The following GRID2 variants were observed in gnomAD, a reference collection of about 807,000 sequenced individuals.
The protein encoded by GRID2 is glutamate receptor ionotropic, delta-2.
A neutral mutation model predicts 114.8 loss-of-function variants in GRID2; 33 were observed. That is an observed-to-expected ratio of 0.29 (90% CI 0.22 to 0.38). The LOEUF (loss-of-function observed/expected upper bound fraction) is 0.38. Among genes scored for constraint, GRID2 ranks in the 10% least tolerant of loss-of-function variants. The pLI is 1.00. For missense variants in GRID2, 1,184 were observed against 1,257.7 expected, an observed-to-expected ratio of 0.94 and a Z score of 0.89; for synonymous variants, 505 against 449.9, an observed-to-expected ratio of 1.12 and a Z score of -1.55.
At chr4:92,327,623 C>T (rs578073389) in intron 1 of GRID2, among the ~76,000 whole-genome samples, 67 of 152,012 alleles carry the variant, frequency 4.4e-4, no homozygotes, top group South Asian at 4.4e-3. Flanking sequence ...AACCAATATT[C>T]TTCCCTTATT....
chr4:92,860,662 A>G (rs930195975), intron 2 of GRID2, among the ~76,000 whole-genome samples: 6 of 152,116 alleles, frequency 3.9e-5, no homozygotes, highest in African/African-American at 1.2e-4. Flanking sequence ...TGAGAGGAAA[A>G]GTGATTAGTT....
At chr4:93,488,278 C>T (rs1485038) in intron 11 of GRID2, among the ~76,000 whole-genome samples, 126,851 of 151,820 alleles carry the variant, frequency 0.84, 53,555 homozygotes, top group African/African-American at 0.96. Flanking sequence ...AAAAGCTGGG[C>T]AAATAATTAT....
At chr4:92,777,604 G>C (rs906160331) in intron 2 of GRID2, among the ~76,000 whole-genome samples, 7 of 151,938 alleles carry the variant, frequency 4.6e-5, no homozygotes, top group African/African-American at 1.7e-4. Context: ...TAACCTCAAC[G>C]TGACTATATT....
intron 10 of GRID2, among the ~76,000 whole-genome samples, chr4:93,451,821 A>G (rs1722711690): frequency 6.6e-6 from 1 of 152,120 alleles, no homozygotes; most frequent in Admixed American, 6.6e-5. Context: ...AAGATAATGA[A>G]GCTAACAAGT....
chr4:93,254,483 T>C (rs1329389249), intron 8 of GRID2, among the ~76,000 whole-genome samples: 1 of 152,098 alleles, frequency 6.6e-6, no homozygotes, highest in Non-Finnish European at 1.5e-5. Context: ...TCAGAAACTA[T>C]GGGGAGTTTT....
At chr4:92,759,937 T>C (rs549551679) in intron 2 of GRID2, among the ~76,000 whole-genome samples, 5 of 151,704 alleles carry the variant, frequency 3.3e-5, no homozygotes, top group East Asian at 3.9e-4. Flanking sequence ...GCTCTCAAGC[T>C]CTTGGAGGAA....
intron 2 of GRID2, among the ~76,000 whole-genome samples, chr4:93,024,999 T>C (rs1472968270): frequency 6.6e-6 from 1 of 151,722 alleles, no homozygotes; most frequent in African/African-American, 2.4e-5. Flanking sequence ...AAGTGCATAT[T>C]AGAGTACATT....
chr4:93,326,077 T>C (rs1345833451), intron 8 of GRID2, among the ~76,000 whole-genome samples: 1 of 152,180 alleles, frequency 6.6e-6, no homozygotes. Context: ...GTAATATAAA[T>C]AGGTATTTCT....
At chr4:93,516,151 G>A (rs1370979649) in intron 13 of GRID2, among the ~76,000 whole-genome samples, 1 of 152,070 alleles carries the variant, frequency 6.6e-6, no homozygotes, top group African/African-American at 2.4e-5. Flanking sequence ...ATTATGGAAT[G>A]CAGGAATGAA....
At chr4:93,755,148 C>T (rs1237892543) in intron 14 of GRID2, among the ~76,000 whole-genome samples, 1 of 152,182 alleles carries the variant, frequency 6.6e-6, no homozygotes, top group East Asian at 1.9e-4. Context: ...TGTCTAGCCA[C>T]ATAGACACAT....
At position 92,466,830 on chromosome 4, in the gene GRID2, A is replaced by ATG. The variant is rs199699391; in HGVS notation, c.89-123289_89-123288dup. Among the ~76,000 whole-genome samples, 1,168 of 151,218 alleles carry ATG rather than the reference A, an allele frequency of 7.7e-3. 6 individuals are homozygous for ATG. Among genetic ancestry groups the ATG allele is most frequent in the Middle Eastern group, 0.024 (7 of 290 alleles). On this transcript the variant is annotated intron_variant, in intron 1 of 15. Coordinates refer to ENST00000282020, the MANE Select transcript of GRID2 (RefSeq NM_001510.4). ...AAATGATACATACATATATATATAT[A>ATG]TGTGTGTGTGTGTTATATATATATG...
chr4:92,637,089 T>C (rs1388981873), intron 2 of GRID2, among the ~76,000 whole-genome samples: 1 of 151,988 alleles, frequency 6.6e-6, no homozygotes, highest in Non-Finnish European at 1.5e-5. Context: ...AAAATAATTC[T>C]TTAATATTAC....
chr4:92,464,943 C>A (rs1402082109), intron 1 of GRID2, among the ~76,000 whole-genome samples: 2 of 152,024 alleles, frequency 1.3e-5, no homozygotes, highest in East Asian at 3.9e-4. Context: ...TGAATAAGTT[C>A]TCAGGAGATC....
intron 4 of GRID2, among the ~76,000 whole-genome samples, chr4:93,141,020 A>G (rs554131360): frequency 1.1e-4 from 17 of 152,248 alleles, no homozygotes; most frequent in African/African-American, 3.4e-4. Flanking sequence ...TTTATCTACA[A>G]AGTTTCAGTA....
At chr4:93,782,735 T>C (rs906419060) in intron 1 of GRID2, among the ~76,000 whole-genome samples, 1 of 152,174 alleles carries the variant, frequency 6.6e-6, no homozygotes, top group Non-Finnish European at 1.5e-5. Context: ...AAGAAAAAAA[T>C]ATCGTATATC....
intron 14 of GRID2, among the ~76,000 whole-genome samples, chr4:93,766,597 C>T (rs1733698101): frequency 6.6e-6 from 1 of 152,186 alleles, no homozygotes; most frequent in Non-Finnish European, 1.5e-5. Flanking sequence ...AACAGGATCT[C>T]ATTTTGTGCC....
chr4:92,483,980 A>C (rs56410156), intron 1 of GRID2, among the ~76,000 whole-genome samples: 2,667 of 152,294 alleles, frequency 0.018, 85 homozygotes, highest in African/African-American at 0.061. Context: ...AAAGAAGATT[A>C]AACTACGTGA....
chr4:93,030,039 C>CA (rs1385249654), intron 2 of GRID2, among the ~76,000 whole-genome samples: 1 of 152,128 alleles, frequency 6.6e-6, no homozygotes, highest in Non-Finnish European at 1.5e-5. Context: ...GAATCAAACA[C>CA]AAACTAGAAA....
intron 8 of GRID2, among the ~76,000 whole-genome samples, chr4:93,262,319 C>G (rs1448785112): frequency 6.6e-6 from 1 of 151,896 alleles, no homozygotes; most frequent in Non-Finnish European, 1.5e-5. Flanking sequence ...TCAACAGCTT[C>G]TGTAAACCAA....
Sources: allele counts gnomAD v4.1 joint callset (sites outside exome capture counted in the v4.1 genomes callset), GRCh38; gene constraint gnomAD v4.1.1; transcripts MANE v1.5; gene names NCBI Gene and HGNC (gene_info 2026-07-23, HGNC 2026-07-21).